Variants in ADCY4 observed in about 807,000 individuals in gnomAD.
The protein encoded by ADCY4 is adenylate cyclase type 4.
A neutral mutation model predicts 125.5 loss-of-function variants in ADCY4; 111 were observed. That is an observed-to-expected ratio of 0.88 (90% CI 0.76 to 1.04). The LOEUF is 1.04. Ranked by LOEUF, ADCY4 falls within the 50% of genes least tolerant of loss-of-function variation. The pLI, the probability that ADCY4 is intolerant of heterozygous loss-of-function variation, is 0.00. For synonymous variants in ADCY4, 576 were observed against 586.9 expected (o/e 0.98, Z 0.27); for missense variants, 1,256 against 1,382.9 (o/e 0.91, Z 1.46).
chr14:24,323,473 G>A lies in ADCY4; in HGVS notation c.2047-19C>T, dbSNP rs1338401970. On this transcript the variant is annotated intron_variant, in intron 16 of 24. Transcript: ENST00000418030. Reference sequence around the variant, plus strand: ...AGAAGAACTGCAGAGGAGATGAGGAGTTGAAGAGGCAGGTAGCTTCTTGGG... The same window carrying A: ...AGAAGAACTGCAGAGGAGATGAGGAATTGAAGAGGCAGGTAGCTTCTTGGG... 5.2e-6 allele frequency: 8 copies of A among 1,549,474 alleles called. No homozygotes were observed. The highest frequency in any genetic ancestry group is 7.0e-6 in the Non-Finnish European group (8 of 1,145,524).
Position 24,329,437 on chromosome 14 carries a change from C to G in ADCY4, c.1314G>C (p.Glu438Asp). The G allele has an allele frequency of 1.3e-6, 2 of 1,574,638 alleles. No individual in the cohort carries two copies. Among genetic ancestry groups the G allele is most frequent in the Non-Finnish European group, 1.7e-6 (2 of 1,163,706 alleles). Residue 438 changes from glutamate to aspartate, a missense_variant, in exon 9 of 25, where the codon GAG becomes GAC. Glu to Asp is a conservative substitution (Grantham distance 45). Coordinates refer to ENST00000418030, the MANE Select transcript of ADCY4 (RefSeq NM_001198568.2). The stretch of plus-strand genomic sequence containing the variant: ...TGACCAGATAGGTAGGCTCCCCTAG[C>G]TCCCGAAGGTAGGGGTCCCGATGCT... ...GMEHRDPYLR[E>D]LGEPTYLVID...
Position 24,331,289 on chromosome 14 carries a change from C to G in ADCY4, c.737G>C (p.Arg246Pro). ...AREMKAEIMARLQAGQGSRPE... is the reference protein window; with the variant it reads ...AREMKAEIMAPLQAGQGSRPE... ...CCGTGACCCCTGTCCTGCCTGCAGC[C>G]GTGCCATGATCTCTGCCTTCATCTC... Residue 246 changes from arginine (R) to proline (P), a missense_variant, in exon 5 of 25, where the codon CGG becomes CCG. Physicochemically the swap from Arg to Pro is moderately radical, Grantham distance 103 (BLOSUM62 -2). Coordinates refer to ENST00000418030, the MANE Select transcript of ADCY4 (RefSeq NM_001198568.2). 4 of 1,614,136 alleles carry G rather than the reference C, an allele frequency of 2.5e-6. No individual in the cohort carries two copies. Among genetic ancestry groups the G allele is most frequent in the Non-Finnish European group, 2.5e-6 (3 of 1,180,014 alleles).
chr14:24,323,409 C>T lies in ADCY4; in HGVS notation c.2092G>A (p.Val698Met), dbSNP rs1594653260. 3.9e-6 allele frequency: 6 copies of T among 1,556,998 alleles called. No individual in the cohort carries two copies. Among genetic ancestry groups the T allele is most frequent in the Non-Finnish European group, 5.2e-6 (6 of 1,149,396 alleles). The change falls in exon 17 of 25, where the codon GTG (valine) becomes ATG (methionine). Residue 698 changes from valine to methionine, a missense_variant. Physicochemically the swap from Val to Met is conservative, Grantham distance 21 (BLOSUM62 1). Transcript: ENST00000418030. ...SSDCPFQAPNVSSMISNLSWE... is the reference protein window; with the variant it reads ...SSDCPFQAPNMSSMISNLSWE... ...GAGAGGTTGGAAATCATGGAGGACACATTGGGAGCTTGGAAAGGGCAGTCT... is the reference window on the plus strand; with the variant it reads ...GAGAGGTTGGAAATCATGGAGGACATATTGGGAGCTTGGAAAGGGCAGTCT...
Position 24,326,299 on chromosome 14 carries a change from C to G in ADCY4, c.1568G>C (p.Arg523Pro). The change falls in exon 11 of 25, where the codon CGG (arginine) becomes CCG (proline). Residue 523 changes from arginine (R) to proline (P), a missense_variant and splice_region_variant. Physicochemically the swap from Arg to Pro is moderately radical, Grantham distance 103 (BLOSUM62 -2). Transcript: ENST00000418030. ...ASFSTQWSLD[R>P]SRTPRGLDDE... ...GGCAAAGACTTTGAGGCCTCCTCACCGATCCAGGCTCCACTGGGTGCTGAA... is the reference window on the plus strand; with the variant it reads ...GGCAAAGACTTTGAGGCCTCCTCACGGATCCAGGCTCCACTGGGTGCTGAA... 11 of 1,614,046 alleles carry G rather than the reference C, an allele frequency of 6.8e-6. No homozygotes were observed. Among genetic ancestry groups the G allele is most frequent in the Non-Finnish European group, 9.3e-6 (11 of 1,180,018 alleles).
rs142319485 is a variant in ADCY4 at position 24,324,133 on chromosome 14, G to T, written c.1975C>A (p.Arg659=). The change falls in exon 16 of 25, where the codon CGA becomes AGA. Residue 659 remains arginine, a synonymous_variant. Coordinates refer to ENST00000418030, the MANE Select transcript of ADCY4 (RefSeq NM_001198568.2). ...LPALSGLVAT[R]PGLRIALGTA... is the part of the protein sequence containing the mutation. ...CCCAAGGCTATTCTCAGTCCTGGTC[G>T]TGTGGCCACCAGGCCAGACAGTGCA... 1.9e-6 allele frequency: 3 copies of T among 1,614,236 alleles called. No homozygotes were observed. Among genetic ancestry groups the T allele is most frequent in the South Asian group, 2.2e-5 (2 of 91,090 alleles).
Position 24,332,960 on chromosome 14 carries a change from G to T in ADCY4, c.188C>A (p.Thr63Asn). 1 of 1,560,914 alleles carries T rather than the reference G, an allele frequency of 6.4e-7. No homozygotes were observed. Among genetic ancestry groups the T allele is most frequent in the Non-Finnish European group, 8.7e-7 (1 of 1,150,304 alleles). The change falls in exon 2 of 25, where the codon ACC becomes AAC. Residue 63 changes from threonine to asparagine, a missense_variant. Physicochemically the swap from Thr to Asn is moderately conservative, Grantham distance 65. Transcript: ENST00000418030. ...RELTSDPSFL[T>N]TVLCALGGFS... ...GCCGCCCAGCGCGCACAGCACAGTG[G>T]TCAGGAAGCTCGGGTCTGAGGTCAG...
At chr14:24,333,058 G>GCCCAGCCCCT in intron 1 of ADCY4, 70 bp from the exon 2 acceptor site, 1 of 1,431,892 alleles carries the variant, frequency 7.0e-7, no homozygotes, top group Non-Finnish European at 9.2e-7. Flanking sequence ...GGAAAAGCCA[G>GCCCAGCCCCT]CAGCCCAGCC....
In ADCY4 at chr14:24,324,442, G is replaced by A. The variant is rs190075787; in HGVS notation, c.1824-51C>T. 1.1e-4 allele frequency: 177 copies of A among 1,548,242 alleles called. 1 individual carries two copies. The African/African-American group carries it at 1.5e-3, about 13-fold the overall frequency. Reference sequence around the variant, plus strand: ...TGAAGTGCCAGAACAGGCTCCCTGTGTGCTATGAAGGTGCTGTGTGAGCTG... The same window carrying A: ...TGAAGTGCCAGAACAGGCTCCCTGTATGCTATGAAGGTGCTGTGTGAGCTG... On this transcript the variant is annotated intron_variant, in intron 14 of 24. Transcript: ENST00000418030.
Position 24,331,790 on chromosome 14 carries a change from G to A in ADCY4, c.667C>T (p.Gln223Ter). Reference protein sequence around the residue: ...RRRLDTEKKHQEHLLLSILPA... With the variant: ...RRRLDTEKKH Reference sequence around the variant, plus strand: ...TGACCTTCCTAGGCCCGGCTGACCTGGTGCTTCTTCTCGGTGTCCAGCCGC... The same window carrying A: ...TGACCTTCCTAGGCCCGGCTGACCTAGTGCTTCTTCTCGGTGTCCAGCCGC... Residue 223 changes from glutamine (Q) to a stop codon, truncating the protein, a stop_gained and splice_region_variant, in exon 4 of 25, where the codon CAG (glutamine) becomes TAG (stop). Coordinates refer to ENST00000418030, the MANE Select transcript of ADCY4 (RefSeq NM_001198568.2). LOFTEE classifies it high-confidence loss of function. 1.3e-6 allele frequency: 2 copies of A among 1,580,850 alleles called. No homozygotes were observed. The highest frequency in any genetic ancestry group is 1.7e-6 in the Non-Finnish European group (2 of 1,157,626).
rs565192468 is a variant in ADCY4, at chr14:24,322,681, C to T, written c.2370G>A (p.Leu790=). Residue 790 remains leucine, a synonymous_variant, in exon 19 of 25, where the codon CTG becomes CTA. Transcript: ENST00000418030. ...AGATGAAGAAGGAGATAGCACCCAT[C>T]AGTTTGGGCTCCTTCAGCACTCCGG... ...SRPGVLKEPK[L]MGAISFFIFF... 6.2e-7 allele frequency: 1 copy of T among 1,614,150 alleles called. No homozygotes were observed. Among genetic ancestry groups the T allele is most frequent in the South Asian group, 1.1e-5 (1 of 91,082 alleles).
intron 9 of ADCY4, 30 bp from the exon 10 acceptor site, chr14:24,329,264 C>T: frequency 6.2e-7 from 1 of 1,608,080 alleles, no homozygotes; most frequent in South Asian, 1.1e-5. Flanking sequence ...ACAGTAAAGA[C>T]CACAGACACT....
chr14:24,331,209 T>A lies in ADCY4; in HGVS notation c.817A>T (p.Ser273Cys), dbSNP rs1319204456. ...CCCTCCAGCCATTCTTCCTCATACC[T>A]GACTCCCTGGTGCCTCTTGACATAG... ...SLYVKRHQGV[S>C]VLYADIVGFT... is the part of the protein sequence containing the mutation. The change falls in exon 5 of 25, where the codon AGC becomes TGC. Residue 273 changes from serine to cysteine, a missense_variant and splice_region_variant. Transcript: ENST00000418030. 1 of 1,614,046 alleles carries A rather than the reference T, an allele frequency of 6.2e-7. No homozygotes were observed. Among genetic ancestry groups the A allele is most frequent in the Non-Finnish European group, 8.5e-7 (1 of 1,180,006 alleles).
intron 10 of ADCY4, 199 bp from the exon 11 acceptor site, chr14:24,326,541 T>C (rs1435355415): frequency 4.9e-6 from 3 of 611,480 alleles, no homozygotes; most frequent in Non-Finnish European, 8.8e-6. Context: ...CCTTAAAGTT[T>C]CCCCCTGACT....
Position 24,329,544 on chromosome 14 carries a change from G to A in ADCY4, c.1218-11C>T. The A allele has an allele frequency of 6.6e-7, 1 of 1,514,408 alleles. No individual in the cohort carries two copies. The highest frequency in any genetic ancestry group is 8.8e-7 in the Non-Finnish European group (1 of 1,132,926). The allele number at this position is 1,514,408 out of a possible 1,614,324, so 93.8% of individuals were successfully genotyped here. A position where few individuals can be genotyped will look rare whatever the true frequency, so the allele number is the denominator to read the frequency against. On this transcript the variant is annotated splice_polypyrimidine_tract_variant and intron_variant, in intron 8 of 24. Coordinates refer to ENST00000418030, the MANE Select transcript of ADCY4 (RefSeq NM_001198568.2). ...GTGATGTGCACTCGCCTGGAAGGAG[G>A]GAGGCAGTAGGGGTCAGCAGGGAGG...
chr14:24,329,031 C>T (rs769376524), intron 10 of ADCY4, 30 bp downstream of exon 10: 1 of 1,605,918 alleles, frequency 6.2e-7, no homozygotes, highest in Admixed American at 1.7e-5. Context: ...TTTAACTAAG[C>T]TCTGGGGCTC....
chr14:24,322,693 C>T lies in ADCY4; in HGVS notation c.2358G>A (p.Lys786=). The change falls in exon 19 of 25, where the codon AAG becomes AAA. Residue 786 remains lysine, a synonymous_variant. Coordinates refer to ENST00000418030, the MANE Select transcript of ADCY4 (RefSeq NM_001198568.2). ...AGATAGCACCCATCAGTTTGGGCTC[C>T]TTCAGCACTCCGGGCCTGAAGGGGC... ...GPLDSRPGVL[K]EPKLMGAISF... is the part of the protein sequence containing the mutation. 6.2e-7 allele frequency: 1 copy of T among 1,614,122 alleles called. No individual in the cohort carries two copies. Among genetic ancestry groups the T allele is most frequent in the Non-Finnish European group, 8.5e-7 (1 of 1,180,008 alleles).
chr14:24,322,026 A>G (rs940758761), intron 20 of ADCY4, 40 bp downstream of exon 20: 2 of 1,582,396 alleles, frequency 1.3e-6, no homozygotes, highest in Non-Finnish European at 1.7e-6. Flanking sequence ...ATTAGGCCCT[A>G]TGGCATCCGT....
chr14:24,328,876 A>G, intron 10 of ADCY4, 185 bp downstream of exon 10: 1 of 710,352 alleles, frequency 1.4e-6, no homozygotes, highest in South Asian at 1.9e-5. Flanking sequence ...CTCTTTCTCT[A>G]GAAGGAGGGG....
rs79046807 is a variant in ADCY4, at chr14:24,331,294, C to T, written c.732G>A (p.Met244Ile). 2.1e-4 allele frequency: 341 copies of T among 1,614,208 alleles called. 2 individuals are homozygous for T. In the East Asian group the frequency reaches 7.4e-3, roughly 35 times the overall value. Residue 244 changes from methionine (M) to isoleucine (I), a missense_variant, in exon 5 of 25, where the codon ATG (methionine) becomes ATA (isoleucine). Met to Ile is a conservative substitution (Grantham distance 10). Transcript: ENST00000418030. ...ACCCCTGTCCTGCCTGCAGCCGTGC[C>T]ATGATCTCTGCCTTCATCTCTCGGG... ...YLAREMKAEIMARLQAGQGSR... is the reference protein window; with the variant it reads ...YLAREMKAEIIARLQAGQGSR...
Sources: allele counts gnomAD v4.1 joint callset, GRCh38; gene constraint gnomAD v4.1.1; transcripts MANE v1.5; gene names NCBI Gene and HGNC (gene_info 2026-07-23, HGNC 2026-07-21).